FSTL4: variants seen among roughly 807,000 people sequenced by gnomAD.
The protein encoded by FSTL4 is follistatin-related protein 4.
Under a neutral mutation model 78.2 loss-of-function variants are expected in FSTL4, and 28 were observed. The ratio of observed to expected loss-of-function variants is 0.36; its 90% CI spans 0.27 to 0.49. The LOEUF (loss-of-function observed/expected upper bound fraction) is 0.49, where lower values mean the gene tolerates loss of function less well. FSTL4 is among the 20% of genes least tolerant of loss of function. The pLI is 0.98. For missense variants in FSTL4, 922 were observed against 1,084.9 expected (o/e 0.85, Z 2.11); for synonymous variants, 422 against 440.5 (o/e 0.96, Z 0.53).
the FSTL4 span, among the ~76,000 whole-genome samples, chr5:133,679,026 C>G: frequency 6.6e-6 from 1 of 152,162 alleles, no homozygotes; most frequent in East Asian, 1.9e-4. Flanking sequence ...CATAGCAAGG[C>G]TATATCACTG....
the FSTL4 span, among the ~76,000 whole-genome samples, chr5:133,681,424 CT>C: frequency 6.6e-6 from 1 of 152,222 alleles, no homozygotes; most frequent in East Asian, 1.9e-4. Context: ...CCATCTGGAG[CT>C]ACCAGACGGA....
the FSTL4 span, among the ~76,000 whole-genome samples, chr5:133,834,071 A>G: frequency 6.6e-6 from 1 of 152,240 alleles, no homozygotes; most frequent in African/African-American, 2.4e-5. Context: ...ATATTCAGTC[A>G]TATTCAGTCT....
chr5:133,215,043 C>T (rs971816148), intron 13 of FSTL4, among the ~76,000 whole-genome samples: 5 of 152,198 alleles, frequency 3.3e-5, no homozygotes, highest in Admixed American at 1.3e-4. Flanking sequence ...CCACCATTAT[C>T]CTATCTGTTC....
At chr5:133,424,879 C>T (rs914188626) in intron 3 of FSTL4, among the ~76,000 whole-genome samples, 1 of 152,222 alleles carries the variant, frequency 6.6e-6, no homozygotes, top group African/African-American at 2.4e-5. Context: ...AAATGTAAGG[C>T]ACTTAGCATG....
intron 3 of FSTL4, among the ~76,000 whole-genome samples, chr5:133,559,304 A>G (rs1022766139): frequency 2.0e-5 from 3 of 152,228 alleles, no homozygotes; most frequent in Non-Finnish European, 4.4e-5. Context: ...GAAGAAGATA[A>G]TTTCAAGGGT....
intron 13 of FSTL4, among the ~76,000 whole-genome samples, chr5:133,211,656 C>T (rs536922643): frequency 5.3e-5 from 8 of 152,266 alleles, no homozygotes; most frequent in Middle Eastern, 6.8e-3. Flanking sequence ...TTCTGTAATC[C>T]TATTTGACAT....
chr5:133,721,618 C>T, the FSTL4 span, among the ~76,000 whole-genome samples: 15 of 152,160 alleles, frequency 9.9e-5, no homozygotes, highest in Non-Finnish European at 2.1e-4. Flanking sequence ...CTATACTGGC[C>T]TGTAAGGTTT....
chr5:133,702,045 CT>C, the FSTL4 span, among the ~76,000 whole-genome samples: 1 of 152,208 alleles, frequency 6.6e-6, no homozygotes, highest in South Asian at 2.1e-4. Flanking sequence ...CCACCCCAGA[CT>C]TCTCTCCAGC....
chr5:133,613,059 C>T (rs1761138084), upstream of FSTL4, among the ~76,000 whole-genome samples: 1 of 152,236 alleles, frequency 6.6e-6, no homozygotes, highest in African/African-American at 2.4e-5. Context: ...TCAGGGCATA[C>T]AGGGGCAATC....
At chr5:133,293,952 G>A (rs558937072) in intron 6 of FSTL4, among the ~76,000 whole-genome samples, 1 of 152,048 alleles carries the variant, frequency 6.6e-6, no homozygotes, top group Non-Finnish European at 1.5e-5. Context: ...ATTTGTCCAT[G>A]GCACGGGACG....
At chr5:133,503,381 C>T (rs142127296) in intron 3 of FSTL4, among the ~76,000 whole-genome samples, 288 of 152,242 alleles carry the variant, frequency 1.9e-3, no homozygotes, top group Middle Eastern at 0.01. Context: ...ATCAAACAAG[C>T]GGCTCACAAA....
intron 4 of FSTL4, among the ~76,000 whole-genome samples, chr5:133,399,397 G>A (rs1756159511): frequency 6.6e-6 from 1 of 152,188 alleles, no homozygotes; most frequent in African/African-American, 2.4e-5. Context: ...AGCTGTGAAA[G>A]TGTCCAAGAC....
the FSTL4 span, among the ~76,000 whole-genome samples, chr5:133,711,003 G>A: frequency 6.6e-6 from 1 of 152,214 alleles, no homozygotes; most frequent in Non-Finnish European, 1.5e-5. Context: ...GTTGCACTCT[G>A]CGCTCACAGA....
intron 6 of FSTL4, among the ~76,000 whole-genome samples, chr5:133,301,932 C>T (rs1383151443): frequency 3.3e-5 from 5 of 152,096 alleles, no homozygotes; most frequent in Non-Finnish European, 7.3e-5. Context: ...AACTGCTGAG[C>T]GGTCCTCAGC....
At chr5:133,686,242 T>C in the FSTL4 span, among the ~76,000 whole-genome samples, 1 of 152,216 alleles carries the variant, frequency 6.6e-6, no homozygotes, top group Non-Finnish European at 1.5e-5. Flanking sequence ...TCAGACTCTG[T>C]TCCTCTACTC....
the FSTL4 span, among the ~76,000 whole-genome samples, chr5:133,671,835 C>T: frequency 7.2e-5 from 11 of 152,364 alleles, 1 homozygote; most frequent in African/African-American, 2.6e-4. Flanking sequence ...TGACCTAATG[C>T]TTGCTTGGAC....
the FSTL4 span, among the ~76,000 whole-genome samples, chr5:133,683,569 G>A: frequency 1.3e-5 from 2 of 152,154 alleles, no homozygotes; most frequent in African/African-American, 4.8e-5. Flanking sequence ...CATGCATCAA[G>A]ATCCGATTTG....
intron 3 of FSTL4, among the ~76,000 whole-genome samples, chr5:133,517,447 A>AAAAAATATATATATATAT (rs1554068019): frequency 6.1e-5 from 1 of 16,396 alleles, no homozygotes; most frequent in Non-Finnish European, 1.0e-4. Context: ...AAAAAAAAAA[A>AAAAAATATATATATATAT]ATATATATAT....
At chr5:133,312,556 C>T in intron 6 of FSTL4, 98 bp downstream of exon 6, 1 of 1,137,674 alleles carries the variant, frequency 8.8e-7, no homozygotes, top group Non-Finnish European at 1.3e-6. Context: ...AGAAACCAAC[C>T]TGGGAGACAA....
Sources: gnomAD v4.1 joint callset for allele counts (sites outside exome capture counted in the v4.1 genomes callset) on GRCh38, gnomAD v4.1.1 for gene constraint, MANE v1.5 for transcripts, NCBI Gene and HGNC (gene_info 2026-07-23, HGNC 2026-07-21) for gene names.